The following EPHX2 variants were observed in gnomAD, a reference collection of about 807,000 sequenced individuals.
The protein encoded by EPHX2 is epoxide hydrolase 2, also known as bifunctional epoxide hydrolase 2.
A neutral mutation model predicts 78.7 loss-of-function variants in EPHX2; 74 were observed. That is an observed-to-expected ratio of 0.94 (90% CI 0.78 to 1.14). The LOEUF is 1.14. Ranked by LOEUF, EPHX2 falls within the 50% of genes most tolerant of loss-of-function variation. EPHX2 has a pLI of 0.00. For synonymous variants in EPHX2, 251 were observed against 255.2 expected (o/e 0.98, Z 0.16); for missense variants, 715 against 702.5 (o/e 1.02, Z -0.20).
chr8:27,543,891 G>C, intron 17 of EPHX2, 62 bp downstream of exon 17: 1 of 1,549,394 alleles, frequency 6.5e-7, no homozygotes, highest in Non-Finnish European at 8.9e-7. Flanking sequence ...CGGGTGCTCA[G>C]AGGGAAGACG....
intron 6 of EPHX2, among the ~76,000 whole-genome samples, chr8:27,514,101 T>G (rs533300449): frequency 1.3e-5 from 2 of 152,294 alleles, no homozygotes; most frequent in East Asian, 3.9e-4. Context: ...GAGGATCACT[T>G]AATGCCAGGA....
rs768779440 is a variant in EPHX2, at chr8:27,506,892, C to T, written c.558C>T (p.Ile186=). The change falls in exon 5 of 19, where the codon ATC becomes ATT. Residue 186 remains isoleucine (I), a synonymous_variant. Coordinates refer to ENST00000521400, the MANE Select transcript of EPHX2 (RefSeq NM_001979.6). The part of the protein sequence containing the change: ...SPSEVVFLDD[I]GANLKPARDL... ...CTCAGGTCGTTTTTTTGGATGACAT[C>T]GGGGCTAATCTGAAGCCAGCCCGTG... The T allele has an allele frequency of 2.5e-6, 4 of 1,613,462 alleles. No individual in the cohort carries two copies. The highest frequency in any genetic ancestry group is 3.4e-6 in the Non-Finnish European group (4 of 1,179,798).
In EPHX2 at chr8:27,525,099, T is replaced by TGC. The variant is rs1267290460; in HGVS notation, c.1059-262_1059-261insCG. Among the ~76,000 whole-genome samples, 754 of 136,110 alleles carry TGC rather than the reference T, an allele frequency of 5.5e-3. 7 individuals are homozygous for TGC. Among genetic ancestry groups the TGC allele is most frequent in the African/African-American group, 0.02 (639 of 31,182 alleles). 89.3% of individuals were successfully genotyped at this position (136,110 alleles called of 152,430 possible). On this transcript the variant is annotated intron_variant, in intron 11 of 18. Transcript: ENST00000521400. ...GTGTGTGTGTGTGTGTGTGTGTGTG[T>TGC]GTGTGTGTGCGCGCGCGCGCGCGCA... is the stretch of plus-strand genomic sequence containing the variant.
intron 2 of EPHX2, among the ~76,000 whole-genome samples, chr8:27,501,401 T>TTC (rs1450988450): frequency 1.6e-5 from 2 of 123,120 alleles, no homozygotes; most frequent in Non-Finnish European, 3.6e-5. Flanking sequence ...TTCTTTCTTC[T>TTC]TTCTTCTTTC....
At chr8:27,527,537 C>CT (rs1262809651) in intron 12 of EPHX2, among the ~76,000 whole-genome samples, 1 of 152,216 alleles carries the variant, frequency 6.6e-6, no homozygotes, top group Non-Finnish European at 1.5e-5. Context: ...CCATTAAACA[C>CT]TAACTCCTCA....
In EPHX2 at chr8:27,526,892, G is replaced by T. The variant is rs532415116; in HGVS notation, c.1170+1419G>T. 5.3e-5 allele frequency among the ~76,000 whole-genome samples: 8 copies of T among 152,144 alleles called. No individual in the cohort carries two copies. The South Asian group carries it at 1.2e-3, about 24-fold the overall frequency. ...CAGCCTCCTGAGTAGCTGAGACTAC[G>T]GGTGTGTGCCCCCACACCTGGCTCA... On this transcript the variant is annotated intron_variant, in intron 12 of 18. Coordinates refer to ENST00000521400, the MANE Select transcript of EPHX2 (RefSeq NM_001979.6).
chr8:27,525,125 C>A (rs981190128), intron 11 of EPHX2, among the ~76,000 whole-genome samples: 1 of 145,822 alleles, frequency 6.9e-6, no homozygotes, highest in Non-Finnish European at 1.5e-5. Context: ...CGCGCGCGCA[C>A]CTATGTGTCT....
intron 14 of EPHX2, among the ~76,000 whole-genome samples, chr8:27,539,976 G>T (rs72477588): frequency 0.011 from 1,736 of 152,256 alleles, 33 homozygotes; most frequent in African/African-American, 0.04. Flanking sequence ...GCTGCCAGGG[G>T]TCATCACAGG....
At chr8:27,493,006 T>A (rs1349984465) in intron 1 of EPHX2, 1 of 155,284 alleles carries the variant, frequency 6.4e-6, no homozygotes, top group African/African-American at 2.4e-5. Flanking sequence ...GGGAACTCTC[T>A]AGGCCAGTCA....
chr8:27,514,787 C>T (rs933233133), intron 6 of EPHX2, among the ~76,000 whole-genome samples: 1 of 152,032 alleles, frequency 6.6e-6, no homozygotes, highest in Admixed American at 6.5e-5. Flanking sequence ...GGCCGGAGCT[C>T]ACTTGTGCGT....
At chr8:27,512,052 C>T (rs888421523) in intron 6 of EPHX2, 142 bp downstream of exon 6, 2 of 683,554 alleles carry the variant, frequency 2.9e-6, no homozygotes, top group Non-Finnish European at 5.1e-6. Context: ...GAGCTGTGAT[C>T]ACACCACTGT....
intron 13 of EPHX2, among the ~76,000 whole-genome samples, chr8:27,537,513 G>T (rs1019626078): frequency 1.3e-5 from 2 of 152,100 alleles, no homozygotes; most frequent in Non-Finnish European, 2.9e-5. Context: ...TCAGCCTCGG[G>T]TCTAACCTCC....
chr8:27,536,133 A>G (rs867126276), intron 12 of EPHX2, among the ~76,000 whole-genome samples: 2 of 152,182 alleles, frequency 1.3e-5, no homozygotes, highest in South Asian at 2.1e-4. Flanking sequence ...CAGGAAGGCT[A>G]TGTGTCCCAG....
chr8:27,509,630 CGG>C (rs1814160038), intron 5 of EPHX2, among the ~76,000 whole-genome samples: 1 of 152,094 alleles, frequency 6.6e-6, no homozygotes, highest in South Asian at 2.1e-4. Context: ...CCACCTGCCT[CGG>C]CCTCCCAAAG....
intron 13 of EPHX2, 115 bp downstream of exon 13, chr8:27,536,970 C>G: frequency 9.0e-7 from 1 of 1,110,516 alleles, no homozygotes; most frequent in Non-Finnish European, 1.3e-6. Context: ...TCTTTCATTT[C>G]TATAGTCAGG....
chr8:27,547,179 C>T (rs564671858), downstream of EPHX2, among the ~76,000 whole-genome samples: 2 of 152,204 alleles, frequency 1.3e-5, no homozygotes, highest in East Asian at 1.9e-4. Context: ...AAATCCAAAC[C>T]GTATCAAGGG....
chr8:27,546,128 C>CAA (rs368341959), downstream of EPHX2, among the ~76,000 whole-genome samples: 61 of 86,828 alleles, frequency 7.0e-4, no homozygotes, highest in South Asian at 1.2e-3. Context: ...GACTCCGACT[C>CAA]AAAAAAAAAA....
At chr8:27,495,168 GA>G (rs1813528618) in intron 1 of EPHX2, among the ~76,000 whole-genome samples, 1 of 152,212 alleles carries the variant, frequency 6.6e-6, no homozygotes, top group African/African-American at 2.4e-5. Flanking sequence ...TGGAGGTTAG[GA>G]ACCCCCTTTC....
chr8:27,501,052 C>A (rs1813750288), intron 2 of EPHX2, 42 bp downstream of exon 2: 2 of 1,564,614 alleles, frequency 1.3e-6, no homozygotes, highest in Non-Finnish European at 1.8e-6. Flanking sequence ...GATGAACGTT[C>A]TCTGCCTGTG....
Sources: gnomAD v4.1 joint callset for allele counts (sites outside exome capture counted in the v4.1 genomes callset) on GRCh38, gnomAD v4.1.1 for gene constraint, MANE v1.5 for transcripts, NCBI Gene and HGNC (gene_info 2026-07-23, HGNC 2026-07-21) for gene names.